The following BABAM2 variants were observed in gnomAD, a reference collection of about 807,000 sequenced individuals.
BABAM2 encodes the protein BRISC and BRCA1 A complex member 2, also known as BRISC and BRCA1-A complex member 2.
BABAM2 carries 31 observed loss-of-function variants against 54.7 expected under a neutral mutation model. The ratio of observed to expected loss-of-function variants is 0.57; its 90% CI spans 0.43 to 0.77. BABAM2 has a LOEUF of 0.77. Among genes scored for constraint, BABAM2 ranks in the 30% least tolerant of loss-of-function variants. The probability of loss-of-function intolerance (pLI) is 0.00; values close to 1 mark genes in which losing one functional copy is unlikely to be tolerated. For missense variants in BABAM2, 364 were observed against 455.8 expected (o/e 0.80, Z 1.83); for synonymous variants, 167 against 162.9 (o/e 1.03, Z -0.19).
intron 7 of BABAM2, among the ~76,000 whole-genome samples, chr2:28,192,349 A>G (rs1677009283): frequency 1.3e-5 from 2 of 151,528 alleles, no homozygotes; most frequent in African/African-American, 2.4e-5. Context: ...ATTGTATATT[A>G]CCTTTAATAG....
intron 10 of BABAM2, among the ~76,000 whole-genome samples, chr2:28,286,988 C>G (rs1427478626): frequency 6.6e-6 from 1 of 152,028 alleles, no homozygotes; most frequent in Non-Finnish European, 1.5e-5. Context: ...CTTCCTAAAG[C>G]CACATTAGTC....
chr2:28,098,981 A>G (rs950752151), intron 6 of BABAM2, among the ~76,000 whole-genome samples: 8 of 152,172 alleles, frequency 5.3e-5, no homozygotes, highest in African/African-American at 1.9e-4. Context: ...CTCAGACTCT[A>G]TTAAAAGGCA....
rs151237191 is a variant in BABAM2, at chr2:28,216,883, C to T, written c.681-20319C>T. Among the ~76,000 whole-genome samples, 44 of 152,326 alleles carry T rather than the reference C, an allele frequency of 2.9e-4. 1 individual carries two copies. The East Asian group carries it at 8.1e-3, about 28-fold the overall frequency. The stretch of plus-strand genomic sequence containing the variant: ...CCCACCACTTTGGCCACACTGGCCC[C>T]TTTCTGTGTTTCAAACACTTCAGCC... On this transcript the variant is annotated intron_variant, in intron 7 of 11. Transcript: ENST00000379624.
At chr2:28,011,064 A>G (rs891217210) in intron 4 of BABAM2, among the ~76,000 whole-genome samples, 1 of 152,216 alleles carries the variant, frequency 6.6e-6, no homozygotes, top group Non-Finnish European at 1.5e-5. Context: ...TATAGAGCTT[A>G]TAGAGAACTG....
intron 6 of BABAM2, among the ~76,000 whole-genome samples, chr2:28,101,817 C>A (rs960857114): frequency 6.7e-6 from 1 of 149,640 alleles, no homozygotes; most frequent in African/African-American, 2.5e-5. Context: ...AGGCAATAGA[C>A]CCCAAACCTG....
chr2:28,276,566 A>G (rs28585448), intron 10 of BABAM2, among the ~76,000 whole-genome samples: 2,115 of 152,282 alleles, frequency 0.014, 54 homozygotes, highest in African/African-American at 0.047. Flanking sequence ...GCCTGCTGGT[A>G]CACATCACAG....
intron 10 of BABAM2, among the ~76,000 whole-genome samples, chr2:28,245,836 T>C (rs75755577): frequency 0.018 from 2,708 of 152,328 alleles, 70 homozygotes; most frequent in African/African-American, 0.062. Context: ...GTAAAGATAC[T>C]GACTTTAAGG....
At chr2:27,961,672 T>C (rs1385629223) in intron 3 of BABAM2, among the ~76,000 whole-genome samples, 1 of 151,940 alleles carries the variant, frequency 6.6e-6, no homozygotes, top group Non-Finnish European at 1.5e-5. Context: ...TATGGATTTG[T>C]GATTCACTTC....
intron 10 of BABAM2, among the ~76,000 whole-genome samples, chr2:28,252,672 G>A (rs1031645685): frequency 1.3e-5 from 2 of 152,184 alleles, no homozygotes; most frequent in Non-Finnish European, 2.9e-5. Context: ...AGAATTACAT[G>A]ACCCCTTTTT....
chr2:28,289,029 C>T (rs1037475629), intron 10 of BABAM2, among the ~76,000 whole-genome samples: 2 of 151,596 alleles, frequency 1.3e-5, no homozygotes, highest in African/African-American at 4.8e-5. Flanking sequence ...CAAATGCCCC[C>T]ATTTTCAAAG....
intron 2 of BABAM2, among the ~76,000 whole-genome samples, chr2:27,899,515 C>G (rs1665613414): frequency 6.6e-6 from 1 of 151,566 alleles, no homozygotes; most frequent in African/African-American, 2.4e-5. Context: ...GCTCTTGTTG[C>G]CCAGGCTGGA....
At chr2:28,034,773 G>T (rs2148588450) in intron 5 of BABAM2, among the ~76,000 whole-genome samples, 1 of 152,230 alleles carries the variant, frequency 6.6e-6, no homozygotes, top group East Asian at 1.9e-4. Flanking sequence ...AAAGATATTG[G>T]CTAAAAGAGG....
Position 28,026,873 on chromosome 2 carries a change from TTTA to T in BABAM2, c.495+1455_495+1457del, listed in dbSNP as rs869303887. 4.9e-3 allele frequency among the ~76,000 whole-genome samples: 364 copies of T among 75,032 alleles called. 12 individuals are homozygous for T. The highest frequency in any genetic ancestry group is 0.014 in the South Asian group (44 of 3,104). 49.2% of individuals were successfully genotyped at this position (75,032 alleles called of 152,430 possible). On this transcript the variant is annotated intron_variant, in intron 5 of 11. Transcript: ENST00000379624. ...ATATTTATATATATAGATATATATA[TTTA>T]TATATATATAGATATATATAAATAT...
At chr2:28,205,039 T>G (rs562437089) in intron 7 of BABAM2, among the ~76,000 whole-genome samples, 9 of 152,240 alleles carry the variant, frequency 5.9e-5, no homozygotes, top group African/African-American at 2.2e-4. Flanking sequence ...CTATTTTTTT[T>G]TGGCCAACCT....
chr2:28,316,644 T>C (rs557498332), intron 11 of BABAM2, among the ~76,000 whole-genome samples: 19 of 152,274 alleles, frequency 1.2e-4, no homozygotes, highest in African/African-American at 4.3e-4. Context: ...ACATGTCTCA[T>C]AGAATACGAG....
At chr2:28,083,866 G>A (rs2148677588) in intron 6 of BABAM2, among the ~76,000 whole-genome samples, 1 of 152,290 alleles carries the variant, frequency 6.6e-6, no homozygotes, top group East Asian at 1.9e-4. Flanking sequence ...ACAGTGACCT[G>A]TGTTAAGTAG....
At chr2:27,955,419 G>T (rs1330220121) in intron 3 of BABAM2, among the ~76,000 whole-genome samples, 1 of 152,144 alleles carries the variant, frequency 6.6e-6, no homozygotes, top group East Asian at 1.9e-4. Context: ...TTCCTTTAAA[G>T]AACAAAAAAC....
At chr2:28,063,831 C>G (rs926764439) in intron 6 of BABAM2, among the ~76,000 whole-genome samples, 2 of 152,166 alleles carry the variant, frequency 1.3e-5, no homozygotes, top group Non-Finnish European at 2.9e-5. Context: ...TCAAAAAAAT[C>G]TTGACTCATC....
At position 28,016,505 on chromosome 2, in the gene BABAM2, C is replaced by T. The variant is rs965562673; in HGVS notation, c.301-8721C>T. The stretch of plus-strand genomic sequence containing the variant: ...CATGGTGCTGGGCTGAGCACACAGT[C>T]GCACGCCGAGGGAAACTGGGCCGGA... On this transcript the variant is annotated intron_variant, in intron 4 of 11. Coordinates refer to ENST00000379624, the MANE Select transcript of BABAM2 (RefSeq NM_199191.3). The T allele has an allele frequency of 7.4e-6, 7 of 947,368 alleles. No homozygotes were observed. In the East Asian group the frequency reaches 7.5e-5, roughly 10 times the overall value. The allele number at this position is 947,368 out of a possible 1,614,324, so 58.7% of individuals were successfully genotyped here.
Sources: allele counts gnomAD v4.1 joint callset (sites outside exome capture counted in the v4.1 genomes callset), GRCh38; gene constraint gnomAD v4.1.1; transcripts MANE v1.5; gene names NCBI Gene and HGNC (gene_info 2026-07-23, HGNC 2026-07-21).